The following CSPP1 variants were observed in gnomAD, a reference collection of about 807,000 sequenced individuals.
CSPP1 encodes centrosome and spindle pole associated protein 1, also known as centrosome and spindle pole-associated protein 1.
A neutral mutation model predicts 164.4 loss-of-function variants in CSPP1; 126 were observed. That is an observed-to-expected ratio of 0.77 (90% CI 0.66 to 0.89). The LOEUF is 0.89. CSPP1 is among the 40% of genes least tolerant of loss of function. The pLI, the probability that CSPP1 is intolerant of heterozygous loss-of-function variation, is 0.00. For missense variants in CSPP1, 1,395 were observed against 1,449.8 expected (o/e 0.96, Z 0.61); for synonymous variants, 472 against 476.7 (o/e 0.99, Z 0.13).
At chr8:67,186,921 A>G (rs1286043956) in intron 28 of CSPP1, among the ~76,000 whole-genome samples, 1 of 152,150 alleles carries the variant, frequency 6.6e-6, no homozygotes, top group African/African-American at 2.4e-5. Context: ...ACACAATACC[A>G]CTTACATTAG....
At position 67,195,792 on chromosome 8, in the gene CSPP1, A is replaced by ATAGAT. The variant is rs1432693867; in HGVS notation, c.*202_*206dup. The stretch of plus-strand genomic sequence containing the variant: ...TTATTGATTTATATAATAGAATTGT[A>ATAGAT]TAGATTATTTTTGCACAGTTTTGTC... On this transcript the variant is annotated 3_prime_UTR_variant, in exon 31 of 31. Transcript: ENST00000678616. The ATAGAT allele has an allele frequency of 3.6e-6, 2 of 549,352 alleles. No homozygotes were observed. Among genetic ancestry groups the ATAGAT allele is most frequent in the African/African-American group, 1.9e-5 (1 of 52,862 alleles). 34.0% of individuals were successfully genotyped at this position (549,352 alleles called of 1,614,324 possible).
intron 3 of CSPP1, among the ~76,000 whole-genome samples, chr8:67,084,521 T>C (rs2129543222): frequency 6.6e-6 from 1 of 152,338 alleles, no homozygotes; most frequent in South Asian, 2.1e-4. Flanking sequence ...GATTTTTATA[T>C]CAGTTTATAA....
rs1827074759 is a variant in CSPP1 at position 67,158,391 on chromosome 8, GAT to G, written c.2242-53_2242-52del. 5 of 1,467,226 alleles carry G rather than the reference GAT, an allele frequency of 3.4e-6. No homozygotes were observed. The East Asian group carries it at 1.2e-4, about 36-fold the overall frequency. The allele number at this position is 1,467,226 out of a possible 1,614,324, so 90.9% of individuals were successfully genotyped here. The stretch of plus-strand genomic sequence containing the variant: ...ATATACTATCAGGAAAAAAATAAGT[GAT>G]ATTCTAACTTTTCAATAGTTTTACA... On this transcript the variant is annotated intron_variant, in intron 19 of 30. Coordinates refer to ENST00000678616, the MANE Select transcript of CSPP1 (RefSeq NM_001382391.1).
Position 67,116,049 on chromosome 8 carries a change from C to T in CSPP1, c.1423C>T (p.His475Tyr). 3 of 1,614,142 alleles carry T rather than the reference C, an allele frequency of 1.9e-6. No individual in the cohort carries two copies. The highest frequency in any genetic ancestry group is 1.3e-5 in the African/African-American group (1 of 75,036). The change falls in exon 13 of 31, where the codon CAT becomes TAT. Residue 475 changes from histidine (H) to tyrosine (Y), a missense_variant. Coordinates refer to ENST00000678616, the MANE Select transcript of CSPP1 (RefSeq NM_001382391.1). ...ATCTGTCCCACCCATCCCATCAGTT[C>T]ATCCTGTTCCTTCTCAAAATGAAGA... ...APSVPPIPSV[H>Y]PVPSQNEDLR...
chr8:67,080,647 T>A (rs185646083), intron 3 of CSPP1, among the ~76,000 whole-genome samples: 5 of 152,364 alleles, frequency 3.3e-5, no homozygotes, highest in Admixed American at 3.3e-4. Context: ...GGGTTTCCCC[T>A]ATCCCCTCAA....
chr8:67,167,449 C>A (rs550954851), intron 24 of CSPP1, among the ~76,000 whole-genome samples: 2 of 151,960 alleles, frequency 1.3e-5, no homozygotes, highest in African/African-American at 4.8e-5. Flanking sequence ...GGCTGCCCCC[C>A]ACCTCCCGGA....
chr8:67,099,793 G>A (rs1813638194), intron 7 of CSPP1, among the ~76,000 whole-genome samples: 1 of 152,106 alleles, frequency 6.6e-6, no homozygotes, highest in African/African-American at 2.4e-5. Context: ...TTTAGTAAAT[G>A]AAGGAAATGC....
At chr8:67,176,652 A>C (rs1831716035) in intron 26 of CSPP1, among the ~76,000 whole-genome samples, 1 of 152,154 alleles carries the variant, frequency 6.6e-6, no homozygotes, top group Admixed American at 6.5e-5. Context: ...TTGGCAGCTT[A>C]GACTGATTAG....
intron 5 of CSPP1, among the ~76,000 whole-genome samples, chr8:67,092,341 C>T (rs1475118311): frequency 6.6e-6 from 1 of 152,116 alleles, no homozygotes; most frequent in East Asian, 1.9e-4. Flanking sequence ...AAGCACTGTA[C>T]ACCTCTTGTA....
At chr8:67,095,169 T>G (rs902326953) in intron 6 of CSPP1, 124 bp from the exon 7 acceptor site, 1 of 536,122 alleles carries the variant, frequency 1.9e-6, no homozygotes, top group Admixed American at 3.7e-5. Flanking sequence ...TATATAAATA[T>G]ATGGGTGATT....
chr8:67,075,708 G>C (rs1807773785), intron 2 of CSPP1, among the ~76,000 whole-genome samples: 1 of 152,178 alleles, frequency 6.6e-6, no homozygotes, highest in South Asian at 2.1e-4. Context: ...CATGTACCAG[G>C]AATGCCAAGG....
Position 67,195,510 on chromosome 8 carries a change from GAGC to G in CSPP1, c.3602_3604del (p.Gln1201del). The G allele has an allele frequency of 6.2e-7, 1 of 1,614,206 alleles. No homozygotes were observed. The highest frequency in any genetic ancestry group is 8.5e-7 in the Non-Finnish European group (1 of 1,180,044). Reference sequence around the variant, plus strand: ...AGAAACGCTGAAACGTTTCATGGCAGAGCAGCTGAACCAGGAGCAGCAGCAGAT... The same window carrying G: ...AGAAACGCTGAAACGTTTCATGGCAGAGCTGAACCAGGAGCAGCAGCAGAT... On this transcript the variant is annotated inframe_deletion, in exon 31 of 31. Coordinates refer to ENST00000678616, the MANE Select transcript of CSPP1 (RefSeq NM_001382391.1).
chr8:67,163,346 T>A (rs1356443102), intron 22 of CSPP1, among the ~76,000 whole-genome samples: 2 of 152,142 alleles, frequency 1.3e-5, no homozygotes, highest in African/African-American at 2.4e-5. Flanking sequence ...AGGTAAAATT[T>A]TTTTTTAAGA....
At chr8:67,073,912 T>TA (rs1019659022) in intron 1 of CSPP1, among the ~76,000 whole-genome samples, 1 of 152,128 alleles carries the variant, frequency 6.6e-6, no homozygotes, top group South Asian at 2.1e-4. Flanking sequence ...TCCCAATATT[T>TA]AAAAAAAACT....
At chr8:67,192,018 T>C (rs1439186224) in intron 29 of CSPP1, among the ~76,000 whole-genome samples, 1 of 152,138 alleles carries the variant, frequency 6.6e-6, no homozygotes, top group African/African-American at 2.4e-5. Context: ...TATTAGCCAG[T>C]TGTATATTTT....
chr8:67,157,399 GATT>G, intron 19 of CSPP1, among the ~76,000 whole-genome samples: 1 of 151,878 alleles, frequency 6.6e-6, no homozygotes, highest in Admixed American at 6.6e-5. Flanking sequence ...GGGTTCAAGT[GATT>G]CTCCTGTCTC....
At chr8:67,169,705 G>T (rs1563741927) in intron 24 of CSPP1, among the ~76,000 whole-genome samples, 1 of 152,092 alleles carries the variant, frequency 6.6e-6, no homozygotes, top group Non-Finnish European at 1.5e-5. Context: ...CTCCCAAAGT[G>T]CTGGGATTAC....
Position 67,159,912 on chromosome 8 carries a change from CTTTCTT to C in CSPP1, c.2538+777_2538+782del, listed in dbSNP as rs1386225710. On this transcript the variant is annotated intron_variant, in intron 21 of 30. Coordinates refer to ENST00000678616, the MANE Select transcript of CSPP1 (RefSeq NM_001382391.1). The stretch of plus-strand genomic sequence containing the variant: ...TCTTTCTTTCTTTCTTTCTTTCTTT[CTTTCTT>C]TCTTTCCTTTCCTTCCTTCCTTCCT... 1.7e-3 allele frequency among the ~76,000 whole-genome samples: 106 copies of C among 61,036 alleles called. 1 individual carries two copies. The highest frequency in any genetic ancestry group is 3.1e-3 in the Admixed American group (16 of 5,170). 40.0% of individuals were successfully genotyped at this position (61,036 alleles called of 152,430 possible).
chr8:67,105,013 A>T (rs1040190092), intron 8 of CSPP1, among the ~76,000 whole-genome samples: 109 of 16,140 alleles, frequency 6.8e-3, no homozygotes, highest in Middle Eastern at 0.083. Context: ...CTGTTTTTTT[A>T]TGAAAAAGGA....
Sources: allele counts gnomAD v4.1 joint callset (sites outside exome capture counted in the v4.1 genomes callset), GRCh38; gene constraint gnomAD v4.1.1; transcripts MANE v1.5; gene names NCBI Gene and HGNC (gene_info 2026-07-23, HGNC 2026-07-21).